Variants in MAVS observed in about 807,000 individuals in gnomAD.
The protein encoded by MAVS is mitochondrial antiviral signaling protein, also known as mitochondrial antiviral-signaling protein.
Under a neutral mutation model 30.2 loss-of-function variants are expected in MAVS, and 20 were observed. The observed-to-expected ratio is 0.66, with a 90% confidence interval of 0.47 to 0.96. The LOEUF (loss-of-function observed/expected upper bound fraction) is 0.96, where lower values mean the gene tolerates loss of function less well. Ranked by LOEUF, MAVS falls within the 40% of genes least tolerant of loss-of-function variation. MAVS has a pLI of 0.00. For missense variants in MAVS, 624 were observed against 701.1 expected, an observed-to-expected ratio of 0.89 and a Z score of 1.24; for synonymous variants, 278 against 293.9, an observed-to-expected ratio of 0.95 and a Z score of 0.55.
chr20:3,855,990 C>T (rs1177863290), intron 2 of MAVS, among the ~76,000 whole-genome samples: 1 of 150,426 alleles, frequency 6.6e-6, no homozygotes, highest in African/African-American at 2.4e-5. Flanking sequence ...GTTGGCCAGG[C>T]TGGTCTTTAT....
At chr20:3,850,324 C>T (rs375923471) in intron 1 of MAVS, among the ~76,000 whole-genome samples, 4 of 147,292 alleles carry the variant, frequency 2.7e-5, no homozygotes, top group South Asian at 2.2e-4. Context: ...CTGCTGGGCG[C>T]GGTGGCTCAC....
chr20:3,875,817 A>G lies in MAVS; in HGVS notation c.*9670A>G, dbSNP rs956112271. 4 of 152,376 alleles carry G rather than the reference A, an allele frequency of 2.6e-5. No individual in the cohort carries two copies. Among genetic ancestry groups the G allele is most frequent in the African/African-American group, 9.7e-5 (4 of 41,406 alleles). The allele number at this position is 152,376 out of a possible 1,614,324, so 9.4% of individuals were successfully genotyped here. On this transcript the variant is annotated 3_prime_UTR_variant, in exon 7 of 7. Transcript: ENST00000428216. Reference sequence around the variant, plus strand: ...CCTCCATCTCCGTCCTGCCTCCCCCATCCCCAGGTGCCATTCCCACACCAT... The same window carrying G: ...CCTCCATCTCCGTCCTGCCTCCCCCGTCCCCAGGTGCCATTCCCACACCAT...
chr20:3,862,534 C>T (rs960983932), intron 5 of MAVS, 121 bp downstream of exon 5: 78 of 1,097,192 alleles, frequency 7.1e-5, no homozygotes, highest in Middle Eastern at 2.5e-4. Context: ...GAGTTCAACC[C>T]AGGAAGCAAA....
At chr20:3,847,717 G>C (rs1259608222) in intron 1 of MAVS, among the ~76,000 whole-genome samples, 1 of 152,198 alleles carries the variant, frequency 6.6e-6, no homozygotes, top group Non-Finnish European at 1.5e-5. Context: ...CTCCCGCCAA[G>C]TGACCTTGGG....
In MAVS at chr20:3,864,424, G is replaced by C. The variant is rs748145107; in HGVS notation, c.794G>C (p.Gly265Ala). ...SSSSPGLASA[G>A]AAEGKQGAES... is the part of the protein sequence containing the mutation. ...TCATCCCCTGGCTTGGCCTCTGCAG[G>C]GGCTGCAGAGGGTAAACAGGGTGCA... The change falls in exon 6 of 7, where the codon GGG becomes GCG. Residue 265 changes from glycine to alanine, a missense_variant. Transcript: ENST00000428216. 2 of 1,613,936 alleles carry C rather than the reference G, an allele frequency of 1.2e-6. No individual in the cohort carries two copies. Among genetic ancestry groups the C allele is most frequent in the African/African-American group, 1.3e-5 (1 of 75,016 alleles).
At chr20:3,853,247 G>T (rs1373587197) in intron 1 of MAVS, among the ~76,000 whole-genome samples, 1 of 150,670 alleles carries the variant, frequency 6.6e-6, no homozygotes, top group African/African-American at 2.4e-5. Flanking sequence ...AGCACTTTGG[G>T]AGGCCGAGGC....
At chr20:3,853,609 C>T (rs2089783475) in intron 1 of MAVS, among the ~76,000 whole-genome samples, 1 of 152,020 alleles carries the variant, frequency 6.6e-6, no homozygotes, top group Non-Finnish European at 1.5e-5. Context: ...GCCTGGGCAG[C>T]ATCATGAGAC....
chr20:3,862,959 A>G (rs1381440568), intron 5 of MAVS, among the ~76,000 whole-genome samples: 1 of 152,162 alleles, frequency 6.6e-6, no homozygotes, highest in Admixed American at 6.6e-5. Context: ...CCCTCCCTAG[A>G]CGGGAGGACT....
intron 1 of MAVS, among the ~76,000 whole-genome samples, chr20:3,847,891 G>A (rs1285642168): frequency 6.6e-6 from 1 of 152,186 alleles, no homozygotes; most frequent in Non-Finnish European, 1.5e-5. Flanking sequence ...CCCTGTCACG[G>A]GATTGGGGAA....
chr20:3,851,613 C>T (rs6037678), intron 1 of MAVS, among the ~76,000 whole-genome samples: 1 of 151,874 alleles, frequency 6.6e-6, no homozygotes, highest in East Asian at 1.9e-4. Flanking sequence ...TGATAACTTG[C>T]CCAGGACACA....
chr20:3,858,418 A>G (rs1331762244), intron 3 of MAVS, among the ~76,000 whole-genome samples: 3 of 152,156 alleles, frequency 2.0e-5, no homozygotes, highest in Middle Eastern at 3.4e-3. Context: ...GGTGTTTCAC[A>G]CCTGTAATCC....
rs2089952547 is a variant in MAVS at position 3,871,167 on chromosome 20, C to T, written c.*5020C>T. ...AAATGCTGGGATTACAGGTGTGAAC[C>T]ACGGTGCCTGGCCACTGTACAGGTT... On this transcript the variant is annotated 3_prime_UTR_variant, in exon 7 of 7. Coordinates refer to ENST00000428216, the MANE Select transcript of MAVS (RefSeq NM_020746.5). 1 of 153,866 alleles carries T rather than the reference C, an allele frequency of 6.5e-6. No individual in the cohort carries two copies. The allele number at this position is 153,866 out of a possible 1,614,324, so 9.5% of individuals were successfully genotyped here. A position where few individuals can be genotyped will look rare whatever the true frequency, so the allele number is the denominator to read the frequency against.
chr20:3,852,732 G>C (rs765994619), intron 1 of MAVS, among the ~76,000 whole-genome samples: 38 of 151,698 alleles, frequency 2.5e-4, no homozygotes, highest in Non-Finnish European at 3.8e-4. Context: ...GTCTCGCTGT[G>C]TTGCCCAGGC....
intron 1 of MAVS, among the ~76,000 whole-genome samples, chr20:3,848,878 C>T (rs1198338026): frequency 6.6e-6 from 1 of 152,092 alleles, no homozygotes; most frequent in African/African-American, 2.4e-5. Flanking sequence ...CTTTTCTCTC[C>T]CTTATCTCCT....
At chr20:3,852,544 G>A (rs1344696691) in intron 1 of MAVS, among the ~76,000 whole-genome samples, 1 of 152,030 alleles carries the variant, frequency 6.6e-6, no homozygotes, top group African/African-American at 2.4e-5. Context: ...AGGGAGCCAG[G>A]ACATTTATAG....
chr20:3,870,170 C>T lies in MAVS; in HGVS notation c.*4023C>T, dbSNP rs1955838589. ...CAGAACCCAAGGAAGGGAGTGAGACCTCCACTCCCAGTGGGGGACCTGGCC... is the reference window on the plus strand; with the variant it reads ...CAGAACCCAAGGAAGGGAGTGAGACTTCCACTCCCAGTGGGGGACCTGGCC... On this transcript the variant is annotated 3_prime_UTR_variant, in exon 7 of 7. Coordinates refer to ENST00000428216, the MANE Select transcript of MAVS (RefSeq NM_020746.5). 1 of 152,260 alleles carries T rather than the reference C, an allele frequency of 6.6e-6. No homozygotes were observed. The highest frequency in any genetic ancestry group is 2.4e-5 in the African/African-American group (1 of 41,436). The allele number at this position is 152,260 out of a possible 1,614,324, so 9.4% of individuals were successfully genotyped here. A position where few individuals can be genotyped will look rare whatever the true frequency, so the allele number is the denominator to read the frequency against.
chr20:3,863,012 A>G (rs2089878232), intron 5 of MAVS, among the ~76,000 whole-genome samples: 1 of 152,116 alleles, frequency 6.6e-6, no homozygotes, highest in Non-Finnish European at 1.5e-5. Context: ...TGAGCGAGAT[A>G]AGTAGGGCCA....
chr20:3,851,533 A>G (rs1475058623), intron 1 of MAVS, among the ~76,000 whole-genome samples: 1 of 150,182 alleles, frequency 6.7e-6, no homozygotes, highest in Non-Finnish European at 1.5e-5. Flanking sequence ...AAAGTTTATA[A>G]GGCTGAATTA....
Position 3,857,840 on chromosome 20 carries a change from C to T in MAVS, c.292+31C>T, listed in dbSNP as rs771943332. ...CGTCCTGCCCTTGCCCTCCTGGACC[C>T]CCAGCCTGCTCCCTGGCCTCCGCTC... is the stretch of plus-strand genomic sequence containing the variant. On this transcript the variant is annotated intron_variant, in intron 3 of 6. Transcript: ENST00000428216. The T allele has an allele frequency of 1.7e-5, 27 of 1,612,256 alleles. No individual in the cohort carries two copies. In the South Asian group the frequency reaches 2.7e-4, roughly 16 times the overall value.
Sources: allele counts gnomAD v4.1 joint callset (sites outside exome capture counted in the v4.1 genomes callset), GRCh38; gene constraint gnomAD v4.1.1; transcripts MANE v1.5; gene names NCBI Gene and HGNC (gene_info 2026-07-23, HGNC 2026-07-21).